The following TAFA1 variants were observed in gnomAD, a reference collection of about 807,000 sequenced individuals.
The protein encoded by TAFA1 is TAFA chemokine like family member 1, also known as chemokine-like protein TAFA-1.
A neutral mutation model predicts 18.5 loss-of-function variants in TAFA1; 4 were observed. The ratio of observed to expected loss-of-function variants is 0.22; its 90% CI spans 0.11 to 0.49. The LOEUF (loss-of-function observed/expected upper bound fraction) is 0.49, where lower values mean the gene tolerates loss of function less well. Among genes scored for constraint, TAFA1 ranks in the 20% least tolerant of loss-of-function variants. The probability of loss-of-function intolerance (pLI) is 0.98; values close to 1 mark genes in which losing one functional copy is unlikely to be tolerated. For missense variants in TAFA1, 147 were observed against 169.0 expected, an observed-to-expected ratio of 0.87 and a Z score of 0.72; for synonymous variants, 56 against 55.2, an observed-to-expected ratio of 1.01 and a Z score of -0.06.
chr3:68,326,823 G>A (rs545023695), intron 2 of TAFA1, among the ~76,000 whole-genome samples: 19 of 152,080 alleles, frequency 1.2e-4, no homozygotes, highest in Non-Finnish European at 2.2e-4. Context: ...AATAAATAGG[G>A]GCTGAGAGAT....
rs1001609843 is a variant in TAFA1 at position 68,427,305 on chromosome 3, G to A, written c.259+9885G>A. ...AAAAATGTTGTTCTAAATCTAAGGA[G>A]TCAGCTCCTCATCTCTTTAGCTGGG... is the stretch of plus-strand genomic sequence containing the variant. On this transcript the variant is annotated intron_variant, in intron 3 of 4. Transcript: ENST00000478136. 4.6e-4 allele frequency among the ~76,000 whole-genome samples: 70 copies of A among 151,952 alleles called. 1 individual carries two copies. Among genetic ancestry groups the A allele is most frequent in the African/African-American group, 1.4e-3 (60 of 41,506 alleles).
intron 3 of TAFA1, among the ~76,000 whole-genome samples, chr3:68,536,625 G>T (rs879395144): frequency 6.6e-6 from 1 of 152,170 alleles, no homozygotes; most frequent in Non-Finnish European, 1.5e-5. Context: ...TGCTTGTGTA[G>T]AAATCATTTT....
At chr3:68,240,697 G>A (rs985571916) in intron 2 of TAFA1, among the ~76,000 whole-genome samples, 4 of 152,104 alleles carry the variant, frequency 2.6e-5, no homozygotes, top group African/African-American at 9.7e-5. Flanking sequence ...GAGTGGACAG[G>A]GAGGAAGGAC....
At chr3:68,226,825 C>T (rs915260015) in intron 2 of TAFA1, among the ~76,000 whole-genome samples, 3 of 152,132 alleles carry the variant, frequency 2.0e-5, no homozygotes, top group African/African-American at 7.2e-5. Context: ...CAGCTGAGCC[C>T]CCATCCTGAT....
chr3:68,474,729 G>A (rs1013752311), intron 3 of TAFA1, among the ~76,000 whole-genome samples: 15 of 152,216 alleles, frequency 9.9e-5, no homozygotes, highest in Admixed American at 2.6e-4. Context: ...TCAAACAGGC[G>A]TCATACCTGA....
chr3:68,345,363 A>C (rs2069148817), intron 2 of TAFA1, among the ~76,000 whole-genome samples: 1 of 152,218 alleles, frequency 6.6e-6, no homozygotes, highest in Non-Finnish European at 1.5e-5. Flanking sequence ...TGTATTTCTC[A>C]TCTGTCTGTA....
At chr3:68,395,476 A>G (rs1397520279) in intron 2 of TAFA1, among the ~76,000 whole-genome samples, 1 of 152,196 alleles carries the variant, frequency 6.6e-6, no homozygotes, top group Non-Finnish European at 1.5e-5. Context: ...ATTGCACTAT[A>G]AAGACACATA....
At chr3:68,226,367 A>G (rs1389501289) in intron 2 of TAFA1, among the ~76,000 whole-genome samples, 8 of 152,188 alleles carry the variant, frequency 5.3e-5, no homozygotes, top group African/African-American at 1.9e-4. Flanking sequence ...TTCATGTTCA[A>G]ATGAATGACT....
intron 2 of TAFA1, among the ~76,000 whole-genome samples, chr3:68,028,752 T>A (rs1448312138): frequency 4.9e-3 from 37 of 7,600 alleles, no homozygotes; most frequent in Non-Finnish European, 7.4e-3. Context: ...TTTTTTAAAA[T>A]TTTTTTTTTT....
chr3:68,108,618 A>G (rs1243341236), intron 2 of TAFA1, among the ~76,000 whole-genome samples: 1 of 152,124 alleles, frequency 6.6e-6, no homozygotes, highest in Non-Finnish European at 1.5e-5. Flanking sequence ...ACTAGACAGG[A>G]ACAAATTAAT....
intron 3 of TAFA1, among the ~76,000 whole-genome samples, chr3:68,480,457 C>G (rs2072211506): frequency 6.6e-6 from 1 of 151,902 alleles, no homozygotes; most frequent in African/African-American, 2.4e-5. Context: ...TACTCAGGAC[C>G]AACTGAGTCA....
At chr3:68,293,728 G>GA (rs555708319) in intron 2 of TAFA1, among the ~76,000 whole-genome samples, 129 of 152,302 alleles carry the variant, frequency 8.5e-4, no homozygotes, top group African/African-American at 3.0e-3. Flanking sequence ...TTTTTCAGCA[G>GA]AAACAGAAGT....
At chr3:68,371,290 G>A (rs750038397) in intron 2 of TAFA1, among the ~76,000 whole-genome samples, 7 of 151,898 alleles carry the variant, frequency 4.6e-5, no homozygotes, top group East Asian at 1.9e-4. Flanking sequence ...TACATGTGTC[G>A]TGGTGGTTTG....
upstream of TAFA1, among the ~76,000 whole-genome samples, chr3:67,999,843 T>A (rs1015965667): frequency 6.6e-6 from 1 of 150,852 alleles, no homozygotes; most frequent in African/African-American, 2.4e-5. Context: ...CAGGCTGGAG[T>A]GCAATGGTGA....
intron 2 of TAFA1, among the ~76,000 whole-genome samples, chr3:68,392,796 C>A (rs1358864683): frequency 1.3e-5 from 2 of 152,130 alleles, no homozygotes; most frequent in African/African-American, 2.4e-5. Flanking sequence ...TAAATAAGTT[C>A]TTTGAAACCA....
At chr3:68,480,552 T>G (rs2072214520) in intron 3 of TAFA1, among the ~76,000 whole-genome samples, 1 of 152,218 alleles carries the variant, frequency 6.6e-6, no homozygotes, top group South Asian at 2.1e-4. Context: ...AGAGAACCAC[T>G]GAACTAAATG....
chr3:68,252,392 A>G (rs1448571600), intron 2 of TAFA1, among the ~76,000 whole-genome samples: 1 of 152,076 alleles, frequency 6.6e-6, no homozygotes, highest in Admixed American at 6.5e-5. Context: ...TTTTGACTAT[A>G]TGCTATTCTT....
In TAFA1 at chr3:68,360,494, T is replaced by A. The variant is rs766710177; in HGVS notation, c.119-56786T>A. On this transcript the variant is annotated intron_variant, in intron 2 of 4. Coordinates refer to ENST00000478136, the MANE Select transcript of TAFA1 (RefSeq NM_213609.4). ...TATTTAGAGACAAAGGAATGATGAG[T>A]AGAAGGAAAAGGGCACAAAGTAGAG... 7.2e-4 allele frequency among the ~76,000 whole-genome samples: 110 copies of A among 151,818 alleles called. 2 individuals carry two copies. The highest frequency in any genetic ancestry group is 2.7e-4 in the Non-Finnish European group (18 of 67,908).
chr3:68,190,758 G>C (rs919544020), intron 2 of TAFA1, among the ~76,000 whole-genome samples: 12 of 151,580 alleles, frequency 7.9e-5, no homozygotes, highest in Admixed American at 5.9e-4. Flanking sequence ...GGGCTGTTAA[G>C]TTTTTTTTCT....
Sources: allele counts gnomAD v4.1 joint callset (sites outside exome capture counted in the v4.1 genomes callset), GRCh38; gene constraint gnomAD v4.1.1; transcripts MANE v1.5; gene names NCBI Gene and HGNC (gene_info 2026-07-23, HGNC 2026-07-21).